HCRTR2: variants seen among roughly 807,000 people sequenced by gnomAD.
The protein encoded by HCRTR2 is hypocretin receptor 2, also known as orexin receptor type 2.
Under a neutral mutation model 49.0 loss-of-function variants are expected in HCRTR2, and 22 were observed. The ratio of observed to expected loss-of-function variants is 0.45; its 90% CI spans 0.32 to 0.64. HCRTR2 has a LOEUF of 0.64. Ranked by LOEUF, HCRTR2 falls within the 30% of genes least tolerant of loss-of-function variation. HCRTR2 has a pLI of 0.04. For synonymous variants in HCRTR2, 236 were observed against 205.3 expected, an observed-to-expected ratio of 1.15 and a Z score of -1.28; for missense variants, 491 against 559.4, an observed-to-expected ratio of 0.88 and a Z score of 1.23.
chr6:55,174,152 C>A, upstream of HCRTR2: 1 of 214,374 alleles, frequency 4.7e-6, no homozygotes, highest in South Asian at 6.7e-5. Context: ...AACTCTCACC[C>A]CCCACCCCCC....
At chr6:55,155,070 A>T (rs1241602570) in intron 1 of HCRTR2, among the ~76,000 whole-genome samples, 1 of 151,930 alleles carries the variant, frequency 6.6e-6, no homozygotes, top group African/African-American at 2.4e-5. Flanking sequence ...TGATAAAAAA[A>T]TTAAAGAAGA....
chr6:55,168,350 A>G (rs1421254322), intron 1 of HCRTR2, among the ~76,000 whole-genome samples: 2 of 152,124 alleles, frequency 1.3e-5, no homozygotes, highest in African/African-American at 4.8e-5. Flanking sequence ...TGTCTTTGTT[A>G]AGAATTAAAA....
chr6:55,136,934 G>A (rs1764441953), intron 1 of HCRTR2, among the ~76,000 whole-genome samples: 1 of 152,150 alleles, frequency 6.6e-6, no homozygotes, highest in South Asian at 2.1e-4. Context: ...TGATACAGGG[G>A]TAGAGGGCAT....
intron 3 of HCRTR2, among the ~76,000 whole-genome samples, chr6:55,258,545 A>G (rs1385381662): frequency 6.6e-6 from 1 of 152,180 alleles, no homozygotes; most frequent in African/African-American, 2.4e-5. Flanking sequence ...CATAAAAAGA[A>G]CCATAAGCCA....
chr6:55,164,545 A>G (rs1035092824), intron 1 of HCRTR2, among the ~76,000 whole-genome samples: 2 of 152,108 alleles, frequency 1.3e-5, no homozygotes, highest in Non-Finnish European at 2.9e-5. Context: ...AACACCACAT[A>G]TTCTCACTCA....
chr6:55,257,949 GA>G (rs1228941171), intron 3 of HCRTR2, among the ~76,000 whole-genome samples: 2 of 151,792 alleles, frequency 1.3e-5, no homozygotes, highest in Non-Finnish European at 2.9e-5. Context: ...ATATTTTTAA[GA>G]AAAAATAATT....
chr6:55,131,379 T>C (rs1764353001), intron 1 of HCRTR2, among the ~76,000 whole-genome samples: 2 of 151,958 alleles, frequency 1.3e-5, no homozygotes, highest in Admixed American at 6.6e-5. Context: ...AAATTCTAGA[T>C]GTTCCTCAGA....
At chr6:55,252,561 G>T (rs1292438165) in intron 2 of HCRTR2, among the ~76,000 whole-genome samples, 2 of 151,984 alleles carry the variant, frequency 1.3e-5, no homozygotes, top group African/African-American at 4.8e-5. Context: ...GGCCCTAGGT[G>T]CTTAACTTAT....
chr6:55,147,654 A>T (rs1196804282), intron 1 of HCRTR2, among the ~76,000 whole-genome samples: 1 of 152,152 alleles, frequency 6.6e-6, no homozygotes, highest in African/African-American at 2.4e-5. Flanking sequence ...TCTATAATTC[A>T]TTTTGATGAT....
chr6:55,145,393 G>GTT lies in HCRTR2; in HGVS notation c.-377-28808_-377-28807dup, dbSNP rs35527135. On this transcript the variant is annotated intron_variant, in intron 1 of 7. Coordinates refer to the HCRTR2 transcript ENST00000615358. The stretch of plus-strand genomic sequence containing the variant: ...ACAAAGTCGTCTCATAACATTCTTT[G>GTT]TTTTTTTTTTTGTTTTTTTGTTTGT... Among the ~76,000 whole-genome samples, 317 of 136,156 alleles carry GTT rather than the reference G, an allele frequency of 2.3e-3. 2 individuals carry two copies. Among genetic ancestry groups the GTT allele is most frequent in the Admixed American group, 9.2e-3 (132 of 14,372 alleles). The allele number at this position is 136,156 out of a possible 152,430, so 89.3% of individuals were successfully genotyped here.
chr6:55,278,651 CT>C (rs944943619), intron 5 of HCRTR2, among the ~76,000 whole-genome samples: 3 of 151,754 alleles, frequency 2.0e-5, no homozygotes, highest in African/African-American at 7.3e-5. Flanking sequence ...GGCCTGGGTC[CT>C]TGAGACATAT....
At chr6:55,128,300 T>C (rs1443348012) in intron 1 of HCRTR2, among the ~76,000 whole-genome samples, 3 of 152,202 alleles carry the variant, frequency 2.0e-5, no homozygotes, top group Non-Finnish European at 4.4e-5. Context: ...TATGTACCAG[T>C]ACCATGCTGT....
At chr6:55,266,333 T>C (rs1226210654) in intron 4 of HCRTR2, among the ~76,000 whole-genome samples, 1 of 152,158 alleles carries the variant, frequency 6.6e-6, no homozygotes, top group Non-Finnish European at 1.5e-5. Context: ...TCCCTATAAA[T>C]AGCACATGCT....
At chr6:55,266,685 T>G (rs1766866634) in intron 4 of HCRTR2, among the ~76,000 whole-genome samples, 1 of 152,140 alleles carries the variant, frequency 6.6e-6, no homozygotes, top group Admixed American at 6.6e-5. Context: ...TTTAAAACTC[T>G]TTCAAGGTTG....
rs146725330 is a variant in HCRTR2, at chr6:55,282,301, C to T, written c.1182C>T (p.Leu394=). The T allele has an allele frequency of 3.2e-4, 520 of 1,613,856 alleles. 2 individuals carry two copies. In the African/African-American group the frequency reaches 5.8e-3, roughly 18 times the overall value. The part of the protein sequence containing the change: ...LGVHHRQEDR[L]TRGRTSTESR... ...TTCACCATCGCCAGGAGGATCGGCT[C>T]ACCAGGGGACGAACTAGCACAGAGA... Residue 394 remains leucine, a synonymous_variant, in exon 7 of 7, where the codon CTC becomes CTT. Transcript: ENST00000370862.
chr6:55,221,786 C>A (rs1299313677), intron 1 of HCRTR2, among the ~76,000 whole-genome samples: 1 of 148,154 alleles, frequency 6.7e-6, no homozygotes, highest in Non-Finnish European at 1.5e-5. Context: ...GCACTCCAGC[C>A]TGGGGGACAG....
intron 1 of HCRTR2, 117 bp downstream of exon 1, chr6:55,174,927 C>T: frequency 2.7e-6 from 2 of 752,104 alleles, no homozygotes; most frequent in East Asian, 5.2e-5. Flanking sequence ...GGTCGCTGCT[C>T]TCGGATGGGG....
chr6:55,161,400 A>G (rs1764803532), intron 1 of HCRTR2, among the ~76,000 whole-genome samples: 1 of 152,160 alleles, frequency 6.6e-6, no homozygotes, highest in Non-Finnish European at 1.5e-5. Flanking sequence ...TAAAATCAAC[A>G]CCCTAACATC....
intron 1 of HCRTR2, among the ~76,000 whole-genome samples, chr6:55,132,287 T>G (rs1188906749): frequency 6.6e-6 from 1 of 151,832 alleles, no homozygotes; most frequent in East Asian, 1.9e-4. Flanking sequence ...ATGCACACAT[T>G]TTAAGTGAGA....
Sources: gnomAD v4.1 joint callset for allele counts (sites outside exome capture counted in the v4.1 genomes callset) on GRCh38, gnomAD v4.1.1 for gene constraint, MANE v1.5 for transcripts, NCBI Gene and HGNC (gene_info 2026-07-23, HGNC 2026-07-21) for gene names.